Variants in PLD1 observed in about 807,000 individuals in gnomAD.
The protein encoded by PLD1 is phospholipase D1.
In PLD1, 112 loss-of-function variants were observed where a neutral mutation model predicts 137.1. The observed-to-expected ratio is 0.82, with a 90% confidence interval of 0.70 to 0.96. PLD1 has a LOEUF of 0.96. PLD1 is among the 40% of genes least tolerant of loss of function. The pLI is 0.00. For missense variants in PLD1, 1,321 were observed against 1,342.0 expected, an observed-to-expected ratio of 0.98 and a Z score of 0.24; for synonymous variants, 431 against 454.7, an observed-to-expected ratio of 0.95 and a Z score of 0.66.
At chr3:171,664,459 ATT>A (rs201782822) in intron 19 of PLD1, among the ~76,000 whole-genome samples, 15 of 142,410 alleles carry the variant, frequency 1.1e-4, no homozygotes, top group African/African-American at 1.3e-4. Context: ...AACCTCCAGG[ATT>A]TTTTTTTTTT....
intron 8 of PLD1, among the ~76,000 whole-genome samples, chr3:171,719,930 A>G (rs1452697311): frequency 6.6e-6 from 1 of 152,132 alleles, no homozygotes; most frequent in Non-Finnish European, 1.5e-5. Flanking sequence ...ATGTATTTTT[A>G]TGGGTACAAA....
intron 23 of PLD1, among the ~76,000 whole-genome samples, chr3:171,625,061 T>A (rs1258438643): frequency 1.4e-5 from 2 of 147,482 alleles, no homozygotes; most frequent in Non-Finnish European, 1.5e-5. Context: ...AAGAGAGATT[T>A]AAAAAAAAAA....
Position 171,612,389 on chromosome 3 carries a change from G to A in PLD1, c.2772C>T (p.Asp924=), listed in dbSNP as rs1468952750. The A allele has an allele frequency of 1.9e-6, 3 of 1,614,058 alleles. No individual in the cohort carries two copies. In the South Asian group the frequency reaches 3.3e-5, roughly 18 times the overall value. The change falls in exon 25 of 27, where the codon GAC becomes GAT. Residue 924 remains aspartate (D), a synonymous_variant. Coordinates refer to ENST00000351298, the MANE Select transcript of PLD1 (RefSeq NM_002662.5). The surrounding 1 kb of genome is among the most constrained non-coding windows in gnomAD (Gnocchi z 4.1). Reference sequence around the variant, plus strand: ...CTTGCACAATGACAGCCATTTCACTGTCACGCTTTCCCAGCATGCTGCGGT... The same window carrying A: ...CTTGCACAATGACAGCCATTTCACTATCACGCTTTCCCAGCATGCTGCGGT... The part of the protein sequence containing the change: ...INDRSMLGKR[D]SEMAVIVQDT...
At chr3:171,629,526 T>C (rs1734465109) in intron 23 of PLD1, among the ~76,000 whole-genome samples, 2 of 152,136 alleles carry the variant, frequency 1.3e-5, no homozygotes, top group Non-Finnish European at 2.9e-5. Context: ...AAAGTTCACA[T>C]GGAACCAAAA....
intron 21 of PLD1, among the ~76,000 whole-genome samples, chr3:171,648,198 A>G (rs1736428705): frequency 6.6e-6 from 1 of 152,076 alleles, no homozygotes; most frequent in East Asian, 1.9e-4. Context: ...CCCTGTTTTC[A>G]GTTCTTTGGG....
rs759082030 is a variant in PLD1, at chr3:171,674,561, G to C, written c.2168C>G (p.Ser723Cys). 6.2e-7 allele frequency: 1 copy of C among 1,611,294 alleles called. No individual in the cohort carries two copies. Among genetic ancestry groups the C allele is most frequent in the Admixed American group, 1.7e-5 (1 of 59,974 alleles). ...TCTCAACTCATGGGCTGTTGTTTGA[G>C]ACTTTGGAAGCAGAAAAGGATAAGA... is the stretch of plus-strand genomic sequence containing the variant. ...SLSYPFLLPKSQTTAHELRYQ... is the reference protein window; with the variant it reads ...SLSYPFLLPKCQTTAHELRYQ... The change falls in exon 19 of 27, where the codon TCT becomes TGT. Residue 723 changes from serine to cysteine, a missense_variant. Transcript: ENST00000351298.
chr3:171,767,942 CA>C lies in PLD1; in HGVS notation c.-31-29861del, dbSNP rs1422860412. Among the ~76,000 whole-genome samples the C allele has an allele frequency of 1.5e-4, 20 of 132,186 alleles. No individual in the cohort carries two copies. The East Asian group carries it at 3.7e-3, about 25-fold the overall frequency. The allele number at this position is 132,186 out of a possible 152,430, so 86.7% of individuals were successfully genotyped here. A position where few individuals can be genotyped will look rare whatever the true frequency, so the allele number is the denominator to read the frequency against. On this transcript the variant is annotated intron_variant, in intron 1 of 26. Transcript: ENST00000351298. ...TGGGCAACAGAGTGAGACTCTGCCT[CA>C]AAAAAAAAGAGAGGGGGGCTGGGGC...
chr3:171,711,187 T>G (rs1171049471), intron 9 of PLD1, among the ~76,000 whole-genome samples: 2 of 107,470 alleles, frequency 1.9e-5, no homozygotes, highest in Admixed American at 9.6e-5. Context: ...TTTTTTTTTT[T>G]TTGAAATGGA....
chr3:171,676,369 G>C (rs1381307276), intron 18 of PLD1, among the ~76,000 whole-genome samples: 1 of 152,080 alleles, frequency 6.6e-6, no homozygotes, highest in East Asian at 1.9e-4. Context: ...ATCTAAACCA[G>C]GCTCCTATCC....
intron 24 of PLD1, among the ~76,000 whole-genome samples, chr3:171,616,606 T>A (rs561868493): frequency 6.6e-6 from 1 of 152,154 alleles, no homozygotes; most frequent in East Asian, 1.9e-4. Context: ...GAAGAATGGG[T>A]TGAGACTTTT....
Position 171,711,664 on chromosome 3 carries a change from G to A in PLD1, c.912-1955C>T, listed in dbSNP as rs527736232. Among the ~76,000 whole-genome samples, 5 of 152,104 alleles carry A rather than the reference G, an allele frequency of 3.3e-5. 1 individual carries two copies. The highest frequency in any genetic ancestry group is 3.9e-4 in the East Asian group (2 of 5,162). On this transcript the variant is annotated intron_variant, in intron 9 of 26. Transcript: ENST00000351298. ...GACTCTCTTGCTTCCACAGAATTTGGTGTGAGTGTGGGAGGTGGCCATCTT... is the reference window on the plus strand; with the variant it reads ...GACTCTCTTGCTTCCACAGAATTTGATGTGAGTGTGGGAGGTGGCCATCTT...
chr3:171,778,612 C>G (rs1722668061), intron 1 of PLD1, among the ~76,000 whole-genome samples: 1 of 152,022 alleles, frequency 6.6e-6, no homozygotes, highest in African/African-American at 2.4e-5. Context: ...GGGAAAAGGG[C>G]CCAGGCAGAA....
rs1392199556 is a variant in PLD1 at position 171,602,183 on chromosome 3, A to C, written c.*895T>G. 6.7e-6 allele frequency: 1 copy of C among 150,078 alleles called. No individual in the cohort carries two copies. Among genetic ancestry groups the C allele is most frequent in the Non-Finnish European group, 1.5e-5 (1 of 66,956 alleles). The allele number at this position is 150,078 out of a possible 1,614,324, so 9.3% of individuals were successfully genotyped here. A position where few individuals can be genotyped will look rare whatever the true frequency, so the allele number is the denominator to read the frequency against. On this transcript the variant is annotated 3_prime_UTR_variant, in exon 27 of 27. Transcript: ENST00000351298. The stretch of plus-strand genomic sequence containing the variant: ...GCAGCTAAGGATGACAGGAAATTTT[A>C]CAGGACTAGAAGGAATCATCTTCTC...
chr3:171,655,452 C>CT (rs1367421153), intron 21 of PLD1, among the ~76,000 whole-genome samples: 1 of 152,164 alleles, frequency 6.6e-6, no homozygotes, highest in Non-Finnish European at 1.5e-5. Context: ...GCCTCATACT[C>CT]TCAGGCTTAA....
chr3:171,746,175 G>C (rs1578401629), intron 1 of PLD1, among the ~76,000 whole-genome samples: 2 of 152,286 alleles, frequency 1.3e-5, no homozygotes, highest in South Asian at 4.1e-4. Context: ...CCCTCCGCGG[G>C]CTCCCGCACA....
intron 23 of PLD1, among the ~76,000 whole-genome samples, chr3:171,634,810 G>A (rs1163607325): frequency 6.6e-6 from 1 of 151,938 alleles, no homozygotes; most frequent in Admixed American, 6.6e-5. Flanking sequence ...TCTTTAAAGT[G>A]TACAAATCAG....
intron 9 of PLD1, among the ~76,000 whole-genome samples, chr3:171,712,024 T>C (rs1012469220): frequency 6.6e-6 from 1 of 152,080 alleles, no homozygotes; most frequent in African/African-American, 2.4e-5. Flanking sequence ...AGACTATGCG[T>C]GAGGAGGGAG....
rs372797370 is a variant in PLD1 at position 171,668,097 on chromosome 3, C to T, written c.2230-5927G>A. On this transcript the variant is annotated intron_variant, in intron 19 of 26. Coordinates refer to ENST00000351298, the MANE Select transcript of PLD1 (RefSeq NM_002662.5). ...TAACCTCTCAAAGTCTCAGTTTCCT[C>T]ATCTGTAGAAACAGGCTGCACAGGA... Among the ~76,000 whole-genome samples, 11 of 152,322 alleles carry T rather than the reference C, an allele frequency of 7.2e-5. No individual in the cohort carries two copies. In the South Asian group the frequency reaches 8.3e-4, roughly 11 times the overall value.
intron 1 of PLD1, among the ~76,000 whole-genome samples, chr3:171,791,520 C>A (rs984328090): frequency 1.3e-5 from 2 of 152,080 alleles, no homozygotes; most frequent in African/African-American, 4.8e-5. Context: ...ACACACTAGG[C>A]AGCTGACATG....
Sources: gnomAD v4.1 joint callset for allele counts (sites outside exome capture counted in the v4.1 genomes callset) on GRCh38, gnomAD v4.1.1 for gene constraint, Gnocchi (gnomAD v3.1) non-coding constraint, MANE v1.5 for transcripts, NCBI Gene and HGNC (gene_info 2026-07-23, HGNC 2026-07-21) for gene names.